TTC3: variants seen among roughly 807,000 people sequenced by gnomAD.
The protein encoded by TTC3 is tetratricopeptide repeat domain 3, also known as E3 ubiquitin-protein ligase TTC3.
TTC3 carries 180 observed loss-of-function variants against 249.6 expected under a neutral mutation model. That is an observed-to-expected ratio of 0.72 (90% CI 0.64 to 0.82). The LOEUF (loss-of-function observed/expected upper bound fraction) is 0.82. Among genes scored for constraint, TTC3 ranks in the 40% least tolerant of loss-of-function variants. TTC3 has a pLI of 0.00. For synonymous variants in TTC3, 717 were observed against 805.0 expected, an observed-to-expected ratio of 0.89 and a Z score of 1.85; for missense variants, 2,061 against 2,398.4, an observed-to-expected ratio of 0.86 and a Z score of 2.94.
intron 35 of TTC3, among the ~76,000 whole-genome samples, chr21:37,175,552 G>A (rs1352704548): frequency 3.0e-5 from 4 of 132,034 alleles, no homozygotes; most frequent in Non-Finnish European, 6.2e-5. Flanking sequence ...AGCCAAGATC[G>A]CACCATTGCA....
intron 5 of TTC3, among the ~76,000 whole-genome samples, chr21:37,089,876 T>G (rs555707665): frequency 7.2e-5 from 11 of 152,034 alleles, no homozygotes; most frequent in African/African-American, 2.7e-4. Context: ...TCCCAGGTAG[T>G]TGGGAGGCTG....
At position 37,200,244 on chromosome 21, in the gene TTC3, A is replaced by G. The variant is rs1218920619; in HGVS notation, c.5863A>G (p.Ser1955Gly). 6.8e-6 allele frequency: 11 copies of G among 1,614,164 alleles called. No homozygotes were observed. Among genetic ancestry groups the G allele is most frequent in the African/African-American group, 4.0e-5 (3 of 75,036 alleles). ...TTTGTTTCCACAGGCACTGGGTGCA[A>G]GTTCCTGTGAAATATGCCACGAGGT... The change falls in exon 45 of 46, where the codon AGT becomes GGT. Residue 1955 changes from serine to glycine, a missense_variant. Physicochemically the swap from Ser to Gly is moderately conservative, Grantham distance 56. Coordinates refer to ENST00000355666, the Ensembl canonical transcript of TTC3.
At chr21:37,166,467 A>C (rs143041214) in exon 33 of TTC3, 2 of 1,614,214 alleles carry the variant, frequency 1.2e-6, no homozygotes. Context: ...GTAAAGTCAC[A>C]CTGCAGCACA....
rs960336395 is a variant in TTC3, at chr21:37,144,247, A to AT, written c.1773-278_1773-277insT. Among the ~76,000 whole-genome samples the AT allele has an allele frequency of 1.0e-3, 153 of 151,740 alleles. 1 individual carries two copies. Among genetic ancestry groups the AT allele is most frequent in the African/African-American group, 3.3e-3 (136 of 41,390 alleles). On this transcript the variant is annotated intron_variant, in intron 20 of 45. Coordinates refer to ENST00000355666, the Ensembl canonical transcript of TTC3. ...CCCTAGAACTTAAAGTATAATAAAA[A>AT]AAATATATATATATAAACAACAAAC... is the stretch of plus-strand genomic sequence containing the variant.
At chr21:37,117,615 G>T (rs1355041288) in intron 11 of TTC3, among the ~76,000 whole-genome samples, 1 of 151,794 alleles carries the variant, frequency 6.6e-6, no homozygotes, top group African/African-American at 2.4e-5. Context: ...TTGAAGACCT[G>T]GCGCTCACTC....
At chr21:37,083,254 G>A (rs2071953397) in intron 1 of TTC3, 1 of 985,482 alleles carries the variant, frequency 1.0e-6, no homozygotes, top group African/African-American at 1.7e-5. Context: ...CTTCTAGGTT[G>A]TGTGTTGTGG....
chr21:37,113,043 A>G (rs1442633854), intron 11 of TTC3, among the ~76,000 whole-genome samples: 2 of 152,230 alleles, frequency 1.3e-5, no homozygotes, highest in Non-Finnish European at 2.9e-5. Context: ...GATGTATTTC[A>G]AAATAATAAG....
intron 10 of TTC3, chr21:37,107,779 A>G (rs2075228474): frequency 6.6e-6 from 1 of 152,400 alleles, no homozygotes; most frequent in South Asian, 2.1e-4. Flanking sequence ...ATAGTACAGA[A>G]AAACATACAA....
At chr21:37,104,512 C>G (rs985019880) in intron 10 of TTC3, among the ~76,000 whole-genome samples, 1 of 145,408 alleles carries the variant, frequency 6.9e-6, no homozygotes, top group East Asian at 2.0e-4. Context: ...ATTGCTTGAA[C>G]GTGGGAGGCG....
chr21:37,083,107 A>G (rs2071931779), intron 1 of TTC3: 4 of 985,438 alleles, frequency 4.1e-6, no homozygotes, highest in South Asian at 4.7e-5. Context: ...TTTACAGAGA[A>G]GAGGTGCAAA....
Position 37,165,673 on chromosome 21 carries a change from AC to A in TTC3, c.3461del (p.Pro1154LeufsTer11). Reference sequence around the variant, plus strand: ...TACTAGAAAAAGCAGGAGGTTTAAAACCTTTTCTCTTGGGATGCCCTCGTTT... The same window carrying A: ...TACTAGAAAAAGCAGGAGGTTTAAAACTTTTCTCTTGGGATGCCCTCGTTT... On this transcript the variant is annotated frameshift_variant, in exon 33 of 46. Transcript: ENST00000355666. LOFTEE classifies it high-confidence loss of function. 6.2e-7 allele frequency: 1 copy of A among 1,613,994 alleles called. No homozygotes were observed.
exon 46 of TTC3, chr21:37,202,991 AAGG>A (rs1242254352): frequency 1.3e-5 from 2 of 152,214 alleles, no homozygotes; most frequent in African/African-American, 2.4e-5. Flanking sequence ...GCAAGTACAA[AAGG>A]AGAAGAGGAA....
intron 11 of TTC3, among the ~76,000 whole-genome samples, chr21:37,116,206 T>G (rs2076130259): frequency 6.6e-6 from 1 of 152,192 alleles, no homozygotes; most frequent in Non-Finnish European, 1.5e-5. Context: ...AATAGTAGAT[T>G]GCAGTTGAAT....
At chr21:37,140,462 T>A in intron 19 of TTC3, 99 bp from the exon 20 acceptor site, 3 of 798,394 alleles carry the variant, frequency 3.8e-6, no homozygotes, top group Non-Finnish European at 5.6e-6. Context: ...GATATGCAGT[T>A]GTTATTTTAA....
At chr21:37,192,145 A>G (rs1017501530) in exon 41 of TTC3, 2 of 1,607,910 alleles carry the variant, frequency 1.2e-6, no homozygotes, top group East Asian at 4.5e-5. Flanking sequence ...GGCAATTAAA[A>G]ATGGTTCTCG....
At chr21:37,099,929 G>T (rs2074313464) in intron 10 of TTC3, among the ~76,000 whole-genome samples, 1 of 152,198 alleles carries the variant, frequency 6.6e-6, no homozygotes, top group African/African-American at 2.4e-5. Flanking sequence ...TCATACAATG[G>T]AATTCTATAT....
chr21:37,074,321 A>G (rs1543749), intron 1 of TTC3, among the ~76,000 whole-genome samples: 69,402 of 152,074 alleles, frequency 0.46, 16,366 homozygotes, highest in Non-Finnish European at 0.52. Flanking sequence ...CCTGTTCAGG[A>G]GACAGAATAG....
At position 37,164,131 on chromosome 21, in the gene TTC3, A is replaced by G. The variant is rs779323988; in HGVS notation, c.3251A>G (p.Tyr1084Cys). The G allele has an allele frequency of 1.9e-5, 30 of 1,613,780 alleles. No homozygotes were observed. The East Asian group carries it at 3.6e-4, about 19-fold the overall frequency. The change falls in exon 32 of 46, where the codon TAT (tyrosine) becomes TGT (cysteine). Residue 1084 changes from tyrosine to cysteine, a missense_variant. Physicochemically the swap from Tyr to Cys is radical, Grantham distance 194. Coordinates refer to ENST00000355666, the Ensembl canonical transcript of TTC3. ...GATGTAGAAGAATTCGAAGCTCTCTATGACCAACACAGTAACGAATATGTT... is the reference window on the plus strand; with the variant it reads ...GATGTAGAAGAATTCGAAGCTCTCTGTGACCAACACAGTAACGAATATGTT...
chr21:37,088,967 A>G, intron 5 of TTC3, 81 bp downstream of exon 5: 1 of 1,201,740 alleles, frequency 8.3e-7, no homozygotes, highest in Non-Finnish European at 1.2e-6. Flanking sequence ...TCAAATGACT[A>G]ATTTATAGCA....
Sources: gnomAD v4.1 joint callset for allele counts (sites outside exome capture counted in the v4.1 genomes callset) on GRCh38, gnomAD v4.1.1 for gene constraint, MANE v1.5 for transcripts, NCBI Gene and HGNC (gene_info 2026-07-23, HGNC 2026-07-21) for gene names.